DIAPH3: variants seen among roughly 807,000 people sequenced by gnomAD.
The protein encoded by DIAPH3 is protein diaphanous homolog 3.
Under a neutral mutation model 144.3 loss-of-function variants are expected in DIAPH3, and 117 were observed. The observed-to-expected ratio is 0.81, with a 90% confidence interval of 0.70 to 0.95. DIAPH3 has a LOEUF of 0.95. Among genes scored for constraint, DIAPH3 ranks in the 40% least tolerant of loss-of-function variants. The pLI is 0.00. For synonymous variants in DIAPH3, 519 were observed against 488.9 expected, an observed-to-expected ratio of 1.06 and a Z score of -0.81; for missense variants, 1,421 against 1,412.7, an observed-to-expected ratio of 1.01 and a Z score of -0.09.
At chr13:59,818,574 C>T (rs1244208441) in intron 24 of DIAPH3, among the ~76,000 whole-genome samples, 2 of 151,536 alleles carry the variant, frequency 1.3e-5, no homozygotes, top group African/African-American at 4.8e-5. Flanking sequence ...AGTTGTATTT[C>T]CTATTCTATG....
At position 59,823,967 on chromosome 13, in the gene DIAPH3, T is replaced by C. The variant is rs145919139; in HGVS notation, c.3027+9140A>G. Among the ~76,000 whole-genome samples the C allele has an allele frequency of 3.6e-3, 543 of 152,330 alleles. 4 individuals carry two copies. Among genetic ancestry groups the C allele is most frequent in the African/African-American group, 0.013 (524 of 41,586 alleles). ...ATTAACTGAGTTAAAATTGATTTTATATTTGTTCACAACATAGATTTCAAT... is the reference window on the plus strand; with the variant it reads ...ATTAACTGAGTTAAAATTGATTTTACATTTGTTCACAACATAGATTTCAAT... On this transcript the variant is annotated intron_variant, in intron 24 of 27. Transcript: ENST00000400324.
At chr13:60,122,575 TCCAGGCCTGGAACAC>T (rs1165766090) in intron 2 of DIAPH3, among the ~76,000 whole-genome samples, 2 of 152,284 alleles carry the variant, frequency 1.3e-5, no homozygotes, top group East Asian at 3.9e-4. Context: ...CTTCCTATCT[TCCAGGCCTGGAACAC>T]CCTAGCCATT....
At chr13:59,910,755 A>G (rs1593943518) in intron 20 of DIAPH3, among the ~76,000 whole-genome samples, 1 of 150,864 alleles carries the variant, frequency 6.6e-6, no homozygotes, top group Non-Finnish European at 1.5e-5. Flanking sequence ...AAAAAAAAAA[A>G]GTTTTAGAAT....
At chr13:59,942,207 C>G (rs938322168) in intron 17 of DIAPH3, among the ~76,000 whole-genome samples, 18 of 152,166 alleles carry the variant, frequency 1.2e-4, no homozygotes, top group Non-Finnish European at 1.5e-5. Flanking sequence ...GAATAATTAA[C>G]TATCAAATAT....
intron 12 of DIAPH3, 69 bp downstream of exon 12, chr13:59,991,089 T>C: frequency 1.0e-6 from 1 of 977,874 alleles, no homozygotes; most frequent in Non-Finnish European, 1.6e-6. Context: ...AAGGCAAATA[T>C]GATGTGAATT....
At chr13:59,891,789 G>T in intron 20 of DIAPH3, among the ~76,000 whole-genome samples, 1 of 151,852 alleles carries the variant, frequency 6.6e-6, no homozygotes, top group East Asian at 1.9e-4. Context: ...AATGAAGTAT[G>T]GCCTTAGTGT....
At chr13:60,052,738 A>T (rs2056396186) in intron 4 of DIAPH3, among the ~76,000 whole-genome samples, 1 of 151,990 alleles carries the variant, frequency 6.6e-6, no homozygotes, top group Non-Finnish European at 1.5e-5. Context: ...AGGCGGGCGG[A>T]TCACCTGAGG....
intron 1 of DIAPH3, among the ~76,000 whole-genome samples, chr13:60,157,419 T>A (rs1233873200): frequency 6.6e-6 from 1 of 152,256 alleles, no homozygotes; most frequent in African/African-American, 2.4e-5. Flanking sequence ...ATGTTGTATT[T>A]TTCAATGCTA....
At chr13:59,794,077 A>C (rs538502407) in intron 25 of DIAPH3, among the ~76,000 whole-genome samples, 25 of 152,220 alleles carry the variant, frequency 1.6e-4, no homozygotes, top group Admixed American at 6.5e-4. Context: ...ACTTGATTAC[A>C]AAATAGGTTC....
intron 26 of DIAPH3, among the ~76,000 whole-genome samples, chr13:59,774,484 CTAAT>C (rs886849811): frequency 1.3e-5 from 2 of 152,166 alleles, no homozygotes; most frequent in African/African-American, 4.8e-5. Context: ...ACTTGTCACA[CTAAT>C]TAGGATTTTC....
intron 14 of DIAPH3, among the ~76,000 whole-genome samples, chr13:59,975,794 A>T (rs2050644785): frequency 6.6e-6 from 1 of 151,996 alleles, no homozygotes. Context: ...AATAACAAAA[A>T]CTAATAGGTA....
intron 5 of DIAPH3, among the ~76,000 whole-genome samples, chr13:60,036,602 A>T (rs1276261602): frequency 1.3e-5 from 2 of 152,174 alleles, no homozygotes; most frequent in African/African-American, 4.8e-5. Flanking sequence ...AAAAGAGAAA[A>T]GAAATACACC....
chr13:60,051,754 A>G (rs1037929777), intron 4 of DIAPH3, among the ~76,000 whole-genome samples: 3 of 152,302 alleles, frequency 2.0e-5, no homozygotes, highest in African/African-American at 7.2e-5. Flanking sequence ...GTTTAAGGGA[A>G]CAGATTCTGG....
intron 27 of DIAPH3, among the ~76,000 whole-genome samples, chr13:59,722,912 T>C (rs755643026): frequency 2.0e-5 from 3 of 152,168 alleles, no homozygotes; most frequent in Non-Finnish European, 4.4e-5. Flanking sequence ...CCACTTACAA[T>C]GTCATGATTA....
At chr13:59,898,325 AAGAT>A (rs1357789314) in intron 20 of DIAPH3, among the ~76,000 whole-genome samples, 2 of 152,120 alleles carry the variant, frequency 1.3e-5, no homozygotes, top group African/African-American at 2.4e-5. Context: ...ATGAAATTGA[AAGAT>A]AGTAAGAAAC....
At chr13:59,749,323 A>G (rs2036872274) in intron 27 of DIAPH3, among the ~76,000 whole-genome samples, 1 of 150,836 alleles carries the variant, frequency 6.6e-6, no homozygotes, top group Non-Finnish European at 1.5e-5. Context: ...GATCGAGACC[A>G]TCCTGGCTAA....
chr13:59,674,022 T>G (rs1295387602), intron 27 of DIAPH3, among the ~76,000 whole-genome samples: 2 of 152,206 alleles, frequency 1.3e-5, no homozygotes, highest in East Asian at 3.8e-4. Context: ...TGTAGCCAAG[T>G]GATCAAAAGT....
chr13:59,810,717 ATATAC>A, intron 25 of DIAPH3, 66 bp downstream of exon 25: 1 of 1,519,454 alleles, frequency 6.6e-7, no homozygotes, highest in Non-Finnish European at 9.0e-7. Context: ...AAGTTCATTA[ATATAC>A]TAATAAAGCA....
At chr13:59,830,990 G>A (rs1278041181) in intron 24 of DIAPH3, among the ~76,000 whole-genome samples, 1 of 151,732 alleles carries the variant, frequency 6.6e-6, no homozygotes, top group African/African-American at 2.4e-5. Flanking sequence ...TTAAGAGTTA[G>A]GGCCCTTAAA....
Sources: allele counts gnomAD v4.1 joint callset (sites outside exome capture counted in the v4.1 genomes callset), GRCh38; gene constraint gnomAD v4.1.1; transcripts MANE v1.5; gene names NCBI Gene and HGNC (gene_info 2026-07-23, HGNC 2026-07-21).